The following DHDDS variants were observed in gnomAD, a reference collection of about 807,000 sequenced individuals.
DHDDS encodes dehydrodolichyl diphosphate synthase subunit, also known as dehydrodolichyl diphosphate synthase complex subunit DHDDS.
In DHDDS, 16 loss-of-function variants were observed where a neutral mutation model predicts 46.2. The observed-to-expected ratio is 0.35, with a 90% CI of 0.23 to 0.53. DHDDS has a LOEUF of 0.53. Among genes scored for constraint, DHDDS ranks in the 20% least tolerant of loss-of-function variants. DHDDS has a pLI of 0.94. For missense variants in DHDDS, 340 were observed against 423.7 expected, an observed-to-expected ratio of 0.80 and a Z score of 1.73; for synonymous variants, 151 against 163.1, an observed-to-expected ratio of 0.93 and a Z score of 0.56.
At chr1:26,447,709 G>A in intron 6 of DHDDS, 49 bp downstream of exon 6, 1 of 1,531,126 alleles carries the variant, frequency 6.5e-7, no homozygotes, top group Non-Finnish European at 9.0e-7. Context: ...ACAGGCCTGG[G>A]CCAGCATGGC....
intron 6 of DHDDS, among the ~76,000 whole-genome samples, chr1:26,453,796 T>C (rs2124467650): frequency 6.6e-6 from 1 of 152,196 alleles, no homozygotes; most frequent in Non-Finnish European, 1.5e-5. Flanking sequence ...AGGTAAAAAC[T>C]GATATTTTAC....
At chr1:26,455,181 G>T in intron 6 of DHDDS, 1 of 757,978 alleles carries the variant, frequency 1.3e-6, no homozygotes. Flanking sequence ...AGTGAATAGT[G>T]AACCATTTTC....
chr1:26,456,718 A>G (rs902033280), intron 6 of DHDDS, among the ~76,000 whole-genome samples: 12 of 152,228 alleles, frequency 7.9e-5, no homozygotes, highest in African/African-American at 2.7e-4. Context: ...CATAAATTCA[A>G]ACAATAACAG....
chr1:26,435,740 A>C (rs907691273), intron 2 of DHDDS, among the ~76,000 whole-genome samples: 1 of 151,830 alleles, frequency 6.6e-6, no homozygotes, highest in Non-Finnish European at 1.5e-5. Flanking sequence ...TCAGCCTCCC[A>C]AGTAGCTGGT....
chr1:26,450,127 G>A (rs927720852), intron 6 of DHDDS, among the ~76,000 whole-genome samples: 2 of 152,126 alleles, frequency 1.3e-5, no homozygotes, highest in Non-Finnish European at 2.9e-5. Flanking sequence ...AAGAGGGGAT[G>A]AGAAAGCTAA....
In DHDDS at chr1:26,470,440, C is replaced by G. The variant is rs1050099503; in HGVS notation, c.*1309C>G. The G allele has an allele frequency of 6.6e-6, 1 of 151,800 alleles. No individual in the cohort carries two copies. The highest frequency in any genetic ancestry group is 1.5e-5 in the Non-Finnish European group (1 of 68,072). 9.4% of individuals were successfully genotyped at this position (151,800 alleles called of 1,614,324 possible). ...GGGATTACAGGCATGAGCCACCATG[C>G]CAGACTTCCCATTTTACTTTCTGCA... On this transcript the variant is annotated 3_prime_UTR_variant, in exon 9 of 9. Coordinates refer to ENST00000236342, the MANE Select transcript of DHDDS (RefSeq NM_205861.3).
At chr1:26,462,632 C>T (rs921631036) in intron 8 of DHDDS, 3 of 152,100 alleles carry the variant, frequency 2.0e-5, no homozygotes, top group African/African-American at 7.2e-5. Context: ...TGCATGAAGC[C>T]CAAAGGAGCT....
chr1:26,444,481 G>A (rs559454052), intron 4 of DHDDS, among the ~76,000 whole-genome samples: 5 of 152,336 alleles, frequency 3.3e-5, no homozygotes, highest in African/African-American at 9.6e-5. Flanking sequence ...GCTCATGCCT[G>A]TAATCTCAGC....
chr1:26,452,814 A>T (rs944223459), intron 6 of DHDDS, among the ~76,000 whole-genome samples: 1 of 152,200 alleles, frequency 6.6e-6, no homozygotes, highest in Non-Finnish European at 1.5e-5. Context: ...AAAGAAAAAA[A>T]TTAGATGGAC....
chr1:26,433,039 TTCTGGTCAGTTGGATAA>T, intron 2 of DHDDS, 31 bp downstream of exon 2: 3 of 1,612,050 alleles, frequency 1.9e-6, no homozygotes, highest in Non-Finnish European at 2.5e-6. Flanking sequence ...CCGGTTGGCC[TTCTGGTCAGTTGGATAA>T]TCTTATATAA....
rs530619573 is a variant in DHDDS at position 26,470,926 on chromosome 1, G to C, written c.*1795G>C. On this transcript the variant is annotated 3_prime_UTR_variant, in exon 9 of 9. Coordinates refer to ENST00000236342, the MANE Select transcript of DHDDS (RefSeq NM_205861.3). The stretch of plus-strand genomic sequence containing the variant: ...CTGTTGAGTCCTGTCTCCTGGGTCT[G>C]ACTTTCCGTAATATGATTGGGGTAC... 1 of 152,750 alleles carries C rather than the reference G, an allele frequency of 6.5e-6. No homozygotes were observed. The highest frequency in any genetic ancestry group is 2.1e-4 in the South Asian group (1 of 4,820). The allele number at this position is 152,750 out of a possible 1,614,324, so 9.5% of individuals were successfully genotyped here. A position where few individuals can be genotyped will look rare whatever the true frequency, so the allele number is the denominator to read the frequency against.
chr1:26,438,106 G>A, intron 2 of DHDDS, 62 bp from the exon 3 acceptor site: 2 of 1,551,400 alleles, frequency 1.3e-6, no homozygotes, highest in African/African-American at 1.4e-5. Flanking sequence ...TTGGGGTGTA[G>A]TGTCTTCCTT....
chr1:26,455,959 A>T lies in DHDDS; in HGVS notation c.543-1832A>T, dbSNP rs116209376. Among the ~76,000 whole-genome samples the T allele has an allele frequency of 4.2e-3, 636 of 152,292 alleles. 2 individuals carry two copies. Among genetic ancestry groups the T allele is most frequent in the African/African-American group, 0.014 (602 of 41,552 alleles). On this transcript the variant is annotated intron_variant, in intron 6 of 8. Transcript: ENST00000236342. ...CTTCTGGGTAGTTGGTAGGACAGGT[A>T]AACAGCATTCTTGGAGCCAACAGAC...
intron 3 of DHDDS, among the ~76,000 whole-genome samples, chr1:26,441,031 T>C (rs577205260): frequency 2.7e-4 from 41 of 152,154 alleles, no homozygotes; most frequent in African/African-American, 8.4e-4. Context: ...TTCAAGCGAT[T>C]CTCCTGCCTC....
At chr1:26,461,383 CTTTTTTT>C (rs71581068) in intron 8 of DHDDS, among the ~76,000 whole-genome samples, 3 of 136,482 alleles carry the variant, frequency 2.2e-5, no homozygotes, top group Non-Finnish European at 4.8e-5. Flanking sequence ...ACATAGAATA[CTTTTTTT>C]TTTTTTTTTT....
chr1:26,456,798 A>G (rs893421244), intron 6 of DHDDS, among the ~76,000 whole-genome samples: 1 of 152,210 alleles, frequency 6.6e-6, no homozygotes, highest in Admixed American at 6.5e-5. Context: ...TAATAGTATG[A>G]TGTATCTTTT....
chr1:26,459,556 G>A (rs1006130036), intron 7 of DHDDS, among the ~76,000 whole-genome samples: 9 of 152,220 alleles, frequency 5.9e-5, no homozygotes, highest in African/African-American at 2.2e-4. Context: ...AATGGTAAAT[G>A]GTTGGAGCCA....
intron 6 of DHDDS, among the ~76,000 whole-genome samples, chr1:26,451,432 G>A (rs1332212471): frequency 8.9e-6 from 1 of 112,048 alleles, no homozygotes; most frequent in Admixed American, 1.2e-4. Context: ...GTGTGTGTGT[G>A]TGTGTGTGTG....
intron 6 of DHDDS, chr1:26,455,157 G>C: frequency 1.3e-6 from 1 of 770,616 alleles, no homozygotes; most frequent in South Asian, 1.3e-5. Context: ...GATATCATGA[G>C]GTTCTCCGGG....
Sources: allele counts gnomAD v4.1 joint callset (sites outside exome capture counted in the v4.1 genomes callset), GRCh38; gene constraint gnomAD v4.1.1; transcripts MANE v1.5; gene names NCBI Gene and HGNC (gene_info 2026-07-23, HGNC 2026-07-21).